ANKRD13D: variants seen among roughly 807,000 people sequenced by gnomAD.
The protein encoded by ANKRD13D is ankyrin repeat domain 13D, also known as ankyrin repeat domain-containing protein 13D.
Under a neutral mutation model 68.8 loss-of-function variants are expected in ANKRD13D, and 24 were observed. That is an observed-to-expected ratio of 0.35 (90% confidence interval 0.25 to 0.49). The LOEUF (loss-of-function observed/expected upper bound fraction) is 0.49, where lower values mean the gene tolerates loss of function less well. Among genes scored for constraint, ANKRD13D ranks in the 20% least tolerant of loss-of-function variants. ANKRD13D has a pLI of 0.99. For synonymous variants in ANKRD13D, 331 were observed against 336.1 expected (o/e 0.98, Z 0.16); for missense variants, 735 against 832.1 (o/e 0.88, Z 1.44).
chr11:67,295,969 CTG>C (rs1860743043), intron 6 of ANKRD13D, among the ~76,000 whole-genome samples: 2 of 152,108 alleles, frequency 1.3e-5, no homozygotes, highest in Non-Finnish European at 2.9e-5. Context: ...AATGCTTTTT[CTG>C]TGTTTATTGA....
chr11:67,290,444 C>G lies in ANKRD13D; in HGVS notation c.349C>G (p.Gln117Glu), dbSNP rs532670227. 6 of 1,577,220 alleles carry G rather than the reference C, an allele frequency of 3.8e-6. No homozygotes were observed. Among genetic ancestry groups the G allele is most frequent in the African/African-American group, 1.3e-5 (1 of 74,570 alleles). ...TCCGGAACTGCTCAACAAACTTCGC[C>G]AGGTACAGCAGGGCACAGTTATGGA... Reference protein sequence around the residue: ...GIPELLNKLRQAPDFYVEMKW... With the variant: ...GIPELLNKLREAPDFYVEMKW... The change falls in exon 3 of 15, where the codon CAG becomes GAG. Residue 117 changes from glutamine to glutamate, a missense_variant and splice_region_variant. Transcript: ENST00000511455.
chr11:67,300,223 C>T lies in ANKRD13D; in HGVS notation c.1073+100C>T. On this transcript the variant is annotated intron_variant, in intron 10 of 14. Transcript: ENST00000511455. This position sits in a 1 kb window ranked among gnomAD's most constrained non-coding sequence, Gnocchi z 4.3. ...GTTAGGGACCCACTCCCTCGGCTGG[C>T]TTCTCTCTGGACTCCACTCCTGGAG... The T allele has an allele frequency of 6.5e-7, 1 of 1,528,318 alleles. No individual in the cohort carries two copies. Among genetic ancestry groups the T allele is most frequent in the Non-Finnish European group, 8.9e-7 (1 of 1,125,608 alleles). 94.7% of individuals were successfully genotyped at this position (1,528,318 alleles called of 1,614,324 possible).
rs1381073885 is a variant in ANKRD13D at position 67,301,770 on chromosome 11, T to C, written c.1551T>C (p.Gly517=). The C allele has an allele frequency of 6.2e-7, 1 of 1,610,056 alleles. No homozygotes were observed. The highest frequency in any genetic ancestry group is 8.5e-7 in the Non-Finnish European group (1 of 1,179,032). The change falls in exon 14 of 15, where the codon GGT becomes GGC. Residue 517 remains glycine, a synonymous_variant. Transcript: ENST00000511455. This position sits in a 1 kb window ranked among gnomAD's most constrained non-coding sequence, Gnocchi z 4.5. ...AAGCCCTGACCAACACCCGGCCCGG[T>C]GCCCGCCCTCCTCCCCAGGCCACGG... ...VWEALTNTRP[G]ARPPPQATVY...
Position 67,300,802 on chromosome 11 carries a change from A to T in ANKRD13D, c.1074-188A>T. 1.5e-6 allele frequency: 1 copy of T among 663,268 alleles called. No individual in the cohort carries two copies. Among genetic ancestry groups the T allele is most frequent in the South Asian group, 2.0e-5 (1 of 50,480 alleles). The allele number at this position is 663,268 out of a possible 1,614,324, so 41.1% of individuals were successfully genotyped here. A position where few individuals can be genotyped will look rare whatever the true frequency, so the allele number is the denominator to read the frequency against. On this transcript the variant is annotated intron_variant, in intron 10 of 14. Transcript: ENST00000511455. This position sits in a 1 kb window ranked among gnomAD's most constrained non-coding sequence, Gnocchi z 4.3. ...GAGCCCCAGCCTGGGCCCAGGGAGG[A>T]GGGCAGCTTGGGCCACGTGGCCAGG...
Position 67,301,821 on chromosome 11 carries a change from G to T in ANKRD13D, c.1602G>T (p.Glu534Asp). The T allele has an allele frequency of 1.9e-6, 3 of 1,593,302 alleles. No individual in the cohort carries two copies. The highest frequency in any genetic ancestry group is 2.6e-6 in the Non-Finnish European group (3 of 1,170,542). ...ATVYEEQLQLERALQESLQLS... is the reference protein window; with the variant it reads ...ATVYEEQLQLDRALQESLQLS... The stretch of plus-strand genomic sequence containing the variant: ...TTTATGAGGAACAGCTTCAGCTGGA[G>T]CGGTGAGCCCCTCATGGGGCTGGCT... The change falls in exon 14 of 15, where the codon GAG becomes GAT. Residue 534 changes from glutamate to aspartate, a missense_variant and splice_region_variant. Physicochemically the swap from Glu to Asp is conservative, Grantham distance 45. Transcript: ENST00000511455. The surrounding 1 kb of genome is among the most constrained non-coding windows in gnomAD (Gnocchi z 4.5).
At chr11:67,292,987 A>G (rs868357930) in intron 6 of ANKRD13D, among the ~76,000 whole-genome samples, 4 of 151,846 alleles carry the variant, frequency 2.6e-5, no homozygotes, top group African/African-American at 9.7e-5. Context: ...GCACGTAACT[A>G]TTTCTTTCCT....
intron 6 of ANKRD13D, 93 bp from the exon 7 acceptor site, chr11:67,298,965 C>T (rs557568359): frequency 2.1e-5 from 29 of 1,396,586 alleles, no homozygotes; most frequent in South Asian, 4.6e-5. Context: ...TTGGGCACCC[C>T]GGGCAGGCTG....
rs1860882435 is a variant in ANKRD13D, at chr11:67,299,313, G to A, written c.798+189G>A. 2.7e-6 allele frequency: 2 copies of A among 738,504 alleles called. No individual in the cohort carries two copies. The highest frequency in any genetic ancestry group is 3.2e-4 in the Middle Eastern group (1 of 3,166). 45.7% of individuals were successfully genotyped at this position (738,504 alleles called of 1,614,324 possible). On this transcript the variant is annotated intron_variant, in intron 7 of 14. Coordinates refer to ENST00000511455, the MANE Select transcript of ANKRD13D (RefSeq NM_207354.3). The surrounding 1 kb of genome is among the most constrained non-coding windows in gnomAD (Gnocchi z 6.2). ...CACCCACATCATGGGCCCCTACCCA[G>A]GGTACCGAGATCAAAAGAGGAGTGT...
intron 14 of ANKRD13D, 27 bp from the exon 15 acceptor site, chr11:67,302,092 T>C: frequency 2.0e-6 from 3 of 1,518,870 alleles, no homozygotes; most frequent in Non-Finnish European, 2.7e-6. Context: ...ACTGGCCTGT[T>C]CTTCCCTCCC....
At chr11:67,290,657 G>A in intron 3 of ANKRD13D, 2 of 704,678 alleles carry the variant, frequency 2.8e-6, no homozygotes, top group Non-Finnish European at 4.3e-6. Context: ...CTTTGGAAGA[G>A]AAGCCTTGCC....
chr11:67,299,764 G>A lies in ANKRD13D; in HGVS notation c.881-63G>A. The A allele has an allele frequency of 6.5e-7, 1 of 1,534,720 alleles. No individual in the cohort carries two copies. Among genetic ancestry groups the A allele is most frequent in the Non-Finnish European group, 8.8e-7 (1 of 1,138,788 alleles). ...CCCCCAGACAGTAGGCTCCAGGGGT[G>A]GAGGTGGGCAGGGGCGATGCGAGCA... On this transcript the variant is annotated intron_variant, in intron 8 of 14. Transcript: ENST00000511455. The surrounding 1 kb of genome is among the most constrained non-coding windows in gnomAD (Gnocchi z 6.2).
In ANKRD13D at chr11:67,301,072, A is replaced by T; in HGVS notation, c.1156A>T (p.Ile386Phe). Residue 386 changes from isoleucine (I) to phenylalanine (F), a missense_variant, in exon 11 of 15, where the codon ATC (isoleucine) becomes TTC (phenylalanine). Coordinates refer to ENST00000511455, the MANE Select transcript of ANKRD13D (RefSeq NM_207354.3). This position sits in a 1 kb window ranked among gnomAD's most constrained non-coding sequence, Gnocchi z 4.5. ...QVTPIIDLMA[I>F]SNAHFAKLRD... The stretch of plus-strand genomic sequence containing the variant: ...GACCCCCATCATCGACCTAATGGCC[A>T]TCAGCAACGCTCACTTTGCCAAGCT... 6.2e-7 allele frequency: 1 copy of T among 1,614,046 alleles called. No homozygotes were observed. Among genetic ancestry groups the T allele is most frequent in the Non-Finnish European group, 8.5e-7 (1 of 1,180,032 alleles).
chr11:67,298,679 CT>C (rs1860856132), intron 6 of ANKRD13D: 2 of 201,964 alleles, frequency 9.9e-6, no homozygotes, highest in Non-Finnish European at 2.1e-5. Context: ...TCTTGCCAAT[CT>C]TACTGAATCT....
chr11:67,297,474 C>T (rs774353990), intron 6 of ANKRD13D, among the ~76,000 whole-genome samples: 4 of 151,086 alleles, frequency 2.6e-5, no homozygotes, highest in Non-Finnish European at 5.9e-5. Context: ...GGATTACAGG[C>T]GTGAGCCACC....
chr11:67,289,486 C>G lies in ANKRD13D; in HGVS notation c.26C>G (p.Pro9Arg). The change falls in exon 1 of 15, where the codon CCG becomes CGG. Residue 9 changes from proline (P) to arginine (R), a missense_variant. By Grantham distance (103) the Pro-to-Arg change is moderately radical. Transcript: ENST00000511455. MAGPGPTF[P>R]LHRLVWANRH... The stretch of plus-strand genomic sequence containing the variant: ...ATGGCCGGCCCGGGCCCCACCTTCC[C>G]GCTGCACCGGCTCGTCTGGGCGAAC... The G allele has an allele frequency of 1.3e-5, 19 of 1,513,898 alleles. No individual in the cohort carries two copies. The highest frequency in any genetic ancestry group is 1.5e-5 in the Non-Finnish European group (17 of 1,138,812). The allele number at this position is 1,513,898 out of a possible 1,614,324, so 93.8% of individuals were successfully genotyped here.
Position 67,290,302 on chromosome 11 carries a change from C to T in ANKRD13D, c.227-20C>T. ...CTGGGGTCATCTGGAGGGCTCCCCT[C>T]AGCAGCCTGGTGCCCGCAGTCCTGC... On this transcript the variant is annotated intron_variant, in intron 2 of 14. Transcript: ENST00000511455. The T allele has an allele frequency of 6.5e-7, 1 of 1,548,378 alleles. No homozygotes were observed. Among genetic ancestry groups the T allele is most frequent in the South Asian group, 1.2e-5 (1 of 83,912 alleles).
chr11:67,300,314 C>A lies in ANKRD13D; in HGVS notation c.1073+191C>A. On this transcript the variant is annotated intron_variant, in intron 10 of 14. Coordinates refer to ENST00000511455, the MANE Select transcript of ANKRD13D (RefSeq NM_207354.3). This position sits in a 1 kb window ranked among gnomAD's most constrained non-coding sequence, Gnocchi z 4.3. ...TAGCAAGGGGCTTGGCACAGAAAAC[C>A]GGTAGTTTGTCTTTGATGAATGGAT... The A allele has an allele frequency of 1.4e-6, 1 of 740,470 alleles. No individual in the cohort carries two copies. The highest frequency in any genetic ancestry group is 2.1e-6 in the Non-Finnish European group (1 of 481,450). The allele number at this position is 740,470 out of a possible 1,614,324, so 45.9% of individuals were successfully genotyped here.
At chr11:67,291,898 AGCAGGTG>A in intron 5 of ANKRD13D, 86 bp from the exon 6 acceptor site, 1 of 1,505,726 alleles carries the variant, frequency 6.6e-7, no homozygotes, top group Admixed American at 2.1e-5. Context: ...CCCACTTGGC[AGCAGGTG>A]GCTGAGGGTA....
At position 67,302,478 on chromosome 11, in the gene ANKRD13D, C is replaced by T. The variant is rs937089531; in HGVS notation, c.*146C>T. 8.0e-6 allele frequency: 10 copies of T among 1,245,534 alleles called. No homozygotes were observed. Among genetic ancestry groups the T allele is most frequent in the South Asian group, 3.6e-5 (2 of 55,212 alleles). 77.2% of individuals were successfully genotyped at this position (1,245,534 alleles called of 1,614,324 possible). Reference sequence around the variant, plus strand: ...ACTGAGATGGAAATAAAGAGACTGTCGCAGCAGGGCTGCTCTGCTCACTGG... The same window carrying T: ...ACTGAGATGGAAATAAAGAGACTGTTGCAGCAGGGCTGCTCTGCTCACTGG... On this transcript the variant is annotated 3_prime_UTR_variant, in exon 15 of 15. Transcript: ENST00000511455.
Sources: allele counts gnomAD v4.1 joint callset (sites outside exome capture counted in the v4.1 genomes callset), GRCh38; gene constraint gnomAD v4.1.1; non-coding constraint Gnocchi (gnomAD v3.1); transcripts MANE v1.5; gene names NCBI Gene and HGNC (gene_info 2026-07-23, HGNC 2026-07-21).